The following KLF17 variants were observed in gnomAD, a reference collection of about 807,000 sequenced individuals.
The protein encoded by KLF17 is Krueppel-like factor 17.
KLF17 carries 31 observed loss-of-function variants against 34.2 expected under a neutral mutation model. The observed-to-expected ratio is 0.91, with a 90% confidence interval of 0.68 to 1.22. KLF17 has a LOEUF of 1.22. Ranked by LOEUF, KLF17 falls within the 50% of genes most tolerant of loss-of-function variation. KLF17 has a pLI of 0.00. For synonymous variants in KLF17, 179 were observed against 186.7 expected, an observed-to-expected ratio of 0.96 and a Z score of 0.34; for missense variants, 478 against 505.2, an observed-to-expected ratio of 0.95 and a Z score of 0.52.
chr1:44,120,764 C>T (rs1431661623), intron 1 of KLF17, among the ~76,000 whole-genome samples: 2 of 152,228 alleles, frequency 1.3e-5, no homozygotes, highest in Non-Finnish European at 2.9e-5. Flanking sequence ...ACCCAATAGT[C>T]ATTTACCTAG....
intron 1 of KLF17, among the ~76,000 whole-genome samples, chr1:44,119,415 A>C (rs2087921047): frequency 1.3e-5 from 2 of 151,572 alleles, no homozygotes; most frequent in African/African-American, 2.4e-5. Flanking sequence ...AAAAAAAAAA[A>C]AAACCCCAAA....
upstream of KLF17, among the ~76,000 whole-genome samples, chr1:44,118,466 C>T (rs562292979): frequency 6.6e-6 from 1 of 152,302 alleles, no homozygotes; most frequent in African/African-American, 2.4e-5. Flanking sequence ...GGTGGAGGCT[C>T]TCCTATCGGT....
At chr1:44,127,120 G>T (rs1162643600) in intron 1 of KLF17, among the ~76,000 whole-genome samples, 1 of 149,894 alleles carries the variant, frequency 6.7e-6, no homozygotes, top group Non-Finnish European at 1.5e-5. Flanking sequence ...TGTTGCTCAG[G>T]CTGGTCTTGA....
chr1:44,049,982 C>G, the KLF17 span, among the ~76,000 whole-genome samples: 1 of 152,174 alleles, frequency 6.6e-6, no homozygotes, highest in Non-Finnish European at 1.5e-5. Flanking sequence ...AGTAACTCTC[C>G]CAACAGAATT....
At chr1:44,118,695 T>C (rs903325169), upstream of KLF17, among the ~76,000 whole-genome samples, 1 of 89,962 alleles carries the variant, frequency 1.1e-5, no homozygotes, top group African/African-American at 4.3e-5. Context: ...CTGCCTTGGT[T>C]GGGGCATGGT....
the KLF17 span, among the ~76,000 whole-genome samples, chr1:44,080,396 C>G: frequency 2.0e-5 from 3 of 151,362 alleles, no homozygotes; most frequent in Non-Finnish European, 2.9e-5. Context: ...CCACCACCAC[C>G]CCTGGCTAAT....
At chr1:44,103,685 C>T in the KLF17 span, 1,343 of 1,607,284 alleles carry the variant, frequency 8.4e-4, 4 homozygotes, top group African/African-American at 0.016. Flanking sequence ...CCATGTCCTG[C>T]TTGGCCGGCT....
chr1:44,112,245 G>A, the KLF17 span, among the ~76,000 whole-genome samples: 1 of 152,140 alleles, frequency 6.6e-6, no homozygotes, highest in Non-Finnish European at 1.5e-5. Context: ...GAAACAGAGA[G>A]CACCTATCTA....
At chr1:44,108,415 G>C in the KLF17 span, among the ~76,000 whole-genome samples, 5 of 152,234 alleles carry the variant, frequency 3.3e-5, no homozygotes, top group South Asian at 1.0e-3. Context: ...AGGGTTGTTT[G>C]TGAGTCATCT....
the KLF17 span, among the ~76,000 whole-genome samples, chr1:44,070,874 C>G: frequency 6.6e-6 from 1 of 151,906 alleles, no homozygotes; most frequent in South Asian, 2.1e-4. Flanking sequence ...AAGTTAACTG[C>G]AATTAAAATA....
chr1:44,125,890 G>A (rs2088001592), intron 1 of KLF17, among the ~76,000 whole-genome samples: 1 of 152,066 alleles, frequency 6.6e-6, no homozygotes, highest in Non-Finnish European at 1.5e-5. Flanking sequence ...AGGGGAGGGG[G>A]TTGTAACATT....
At chr1:44,074,154 C>T in the KLF17 span, among the ~76,000 whole-genome samples, 2 of 152,064 alleles carry the variant, frequency 1.3e-5, no homozygotes, top group Non-Finnish European at 2.9e-5. Context: ...CCCATCTGTC[C>T]AAGCAAACAT....
the KLF17 span, among the ~76,000 whole-genome samples, chr1:44,094,376 G>T: frequency 6.6e-6 from 1 of 151,950 alleles, no homozygotes. Flanking sequence ...ATTTTTCTTT[G>T]GTTGCCTTGT....
intron 1 of KLF17, among the ~76,000 whole-genome samples, chr1:44,120,231 T>C (rs1040815972): frequency 1.3e-5 from 2 of 152,228 alleles, no homozygotes; most frequent in Non-Finnish European, 2.9e-5. Context: ...ATGTGGGCCA[T>C]CCGAAAGGAC....
At chr1:44,083,750 C>T in the KLF17 span, among the ~76,000 whole-genome samples, 17 of 148,502 alleles carry the variant, frequency 1.1e-4, no homozygotes, top group African/African-American at 4.2e-4. Context: ...GCCAAGATGG[C>T]ACCACTGTAT....
At chr1:44,109,103 C>A in the KLF17 span, among the ~76,000 whole-genome samples, 2 of 152,030 alleles carry the variant, frequency 1.3e-5, no homozygotes, top group African/African-American at 4.8e-5. Flanking sequence ...GGCTACTGAC[C>A]GATGAGGAGT....
rs768363404 is a variant in KLF17 at position 44,127,610 on chromosome 1, C to CTTTCT, written c.82-1720_82-1716dup. Among the ~76,000 whole-genome samples, 231 of 89,392 alleles carry CTTTCT rather than the reference C, an allele frequency of 2.6e-3. 5 individuals are homozygous for CTTTCT. The highest frequency in any genetic ancestry group is 7.3e-3 in the African/African-American group (165 of 22,566). The allele number at this position is 89,392 out of a possible 152,430, so 58.6% of individuals were successfully genotyped here. A position where few individuals can be genotyped will look rare whatever the true frequency, so the allele number is the denominator to read the frequency against. Reference sequence around the variant, plus strand: ...CCTCGGTGGATCTTTCCCTTTCTTTCTTTCTTTTCTTTTCTTTTCTTTTCT... The same window carrying CTTTCT: ...CCTCGGTGGATCTTTCCCTTTCTTTCTTTCTTTTCTTTTCTTTTCTTTTCTTTTCT... On this transcript the variant is annotated intron_variant, in intron 1 of 3. Transcript: ENST00000372299.
At chr1:44,123,002 A>G (rs535652110) in intron 1 of KLF17, among the ~76,000 whole-genome samples, 57 of 152,218 alleles carry the variant, frequency 3.7e-4, no homozygotes, top group Middle Eastern at 3.4e-3. Flanking sequence ...GGTAATTTTG[A>G]ATTTTTTTTT....
chr1:44,094,619 T>G, the KLF17 span, among the ~76,000 whole-genome samples: 2 of 152,218 alleles, frequency 1.3e-5, no homozygotes, highest in East Asian at 3.8e-4. Context: ...AATGTATGTT[T>G]TTAGCACCTT....
Sources: allele counts gnomAD v4.1 joint callset (sites outside exome capture counted in the v4.1 genomes callset), GRCh38; gene constraint gnomAD v4.1.1; transcripts MANE v1.5; gene names NCBI Gene and HGNC (gene_info 2026-07-23, HGNC 2026-07-21).